The following OSBPL10 variants were observed in gnomAD, a reference collection of about 807,000 sequenced individuals.
OSBPL10 encodes oxysterol binding protein like 10.
Under a neutral mutation model 81.7 loss-of-function variants are expected in OSBPL10, and 49 were observed. The ratio of observed to expected loss-of-function variants is 0.60; its 90% CI spans 0.48 to 0.76. OSBPL10 has a LOEUF of 0.76. Among genes scored for constraint, OSBPL10 ranks in the 30% least tolerant of loss-of-function variants. OSBPL10 has a pLI of 0.00. For missense variants in OSBPL10, 923 were observed against 987.8 expected (o/e 0.93, Z 0.88); for synonymous variants, 419 against 383.6 (o/e 1.09, Z -1.08).
rs374480267 is a variant in OSBPL10, at chr3:31,683,618, A to G, written c.1726+16T>C. On this transcript the variant is annotated intron_variant, in intron 8 of 11. Transcript: ENST00000396556. ...CACTGTGTAAGAGCCAAACTCCAACATACGACATGGCTTACCTTCCCCTAT... is the reference window on the plus strand; with the variant it reads ...CACTGTGTAAGAGCCAAACTCCAACGTACGACATGGCTTACCTTCCCCTAT... 3.1e-6 allele frequency: 5 copies of G among 1,600,582 alleles called. No homozygotes were observed. The African/African-American group carries it at 5.4e-5, about 17-fold the overall frequency.
chr3:31,864,939 T>C (rs371640490), intron 3 of OSBPL10, among the ~76,000 whole-genome samples: 27 of 151,674 alleles, frequency 1.8e-4, no homozygotes, highest in African/African-American at 6.3e-4. Flanking sequence ...CAGAGAACAT[T>C]AGCTCCTGCC....
chr3:31,869,976 C>T (rs561470460), intron 3 of OSBPL10, among the ~76,000 whole-genome samples: 4 of 152,354 alleles, frequency 2.6e-5, no homozygotes, highest in East Asian at 1.9e-4. Flanking sequence ...TCAGAGCCCT[C>T]GCCTGCTCTC....
chr3:31,752,259 C>T (rs1170279170), intron 4 of OSBPL10, among the ~76,000 whole-genome samples: 1 of 152,144 alleles, frequency 6.6e-6, no homozygotes, highest in Non-Finnish European at 1.5e-5. Context: ...CAAATACTTC[C>T]TCCAAGGCAC....
chr3:31,935,860 T>C (rs986580591), intron 1 of OSBPL10, among the ~76,000 whole-genome samples: 3 of 152,122 alleles, frequency 2.0e-5, no homozygotes, highest in Admixed American at 6.6e-5. Flanking sequence ...GGAAAGGAAA[T>C]AGGTTGCGTT....
chr3:31,815,148 C>G (rs1299936565), intron 4 of OSBPL10, among the ~76,000 whole-genome samples: 1 of 21,868 alleles, frequency 4.6e-5, no homozygotes, highest in Non-Finnish European at 1.3e-4. Flanking sequence ...AGAGAGATGC[C>G]CTGCCAGCCC....
intron 1 of OSBPL10, among the ~76,000 whole-genome samples, chr3:31,955,513 A>T (rs1170922782): frequency 6.6e-6 from 1 of 152,224 alleles, no homozygotes; most frequent in African/African-American, 2.4e-5. Context: ...CCTATCATGC[A>T]GTAGGAAGCC....
chr3:31,926,626 A>T (rs1455314659), intron 1 of OSBPL10, among the ~76,000 whole-genome samples: 1 of 152,128 alleles, frequency 6.6e-6, no homozygotes, highest in Admixed American at 6.5e-5. Context: ...AACATAAGAC[A>T]AGTAAAAATG....
At chr3:32,009,643 C>A (rs1699233747) in intron 2 of OSBPL10, among the ~76,000 whole-genome samples, 1 of 152,222 alleles carries the variant, frequency 6.6e-6, no homozygotes, top group Non-Finnish European at 1.5e-5. Context: ...GAATTAGCAG[C>A]AGCACTGCAG....
intron 1 of OSBPL10, among the ~76,000 whole-genome samples, chr3:31,952,442 G>A (rs556142289): frequency 1.4e-4 from 21 of 152,262 alleles, no homozygotes; most frequent in African/African-American, 4.1e-4. Flanking sequence ...GTCACGCTCC[G>A]TGAGAGCACT....
intron 8 of OSBPL10, among the ~76,000 whole-genome samples, chr3:31,673,666 T>G (rs1191207942): frequency 6.6e-6 from 1 of 152,182 alleles, no homozygotes; most frequent in Non-Finnish European, 1.5e-5. Flanking sequence ...GTGGTTCAAC[T>G]TACAATGTTT....
At chr3:31,997,523 A>T (rs1463575499) in intron 2 of OSBPL10, among the ~76,000 whole-genome samples, 1 of 151,964 alleles carries the variant, frequency 6.6e-6, no homozygotes, top group Non-Finnish European at 1.5e-5. Context: ...TCAGCCTCCC[A>T]AAATGCTGGG....
At chr3:31,678,293 G>C (rs191751475) in intron 8 of OSBPL10, among the ~76,000 whole-genome samples, 14 of 152,264 alleles carry the variant, frequency 9.2e-5, no homozygotes, top group Admixed American at 5.9e-4. Context: ...GAAGGACAAG[G>C]GTGCAGGGAA....
chr3:31,797,151 C>T (rs979853685), intron 4 of OSBPL10, among the ~76,000 whole-genome samples: 15 of 151,848 alleles, frequency 9.9e-5, no homozygotes, highest in East Asian at 5.8e-4. Context: ...TGCGCCACGA[C>T]GCCCAGCTAA....
At chr3:32,026,609 G>A (rs578187494) in intron 2 of OSBPL10, among the ~76,000 whole-genome samples, 7 of 152,286 alleles carry the variant, frequency 4.6e-5, no homozygotes, top group South Asian at 2.1e-4. Flanking sequence ...AGCAATGGCC[G>A]GGAGAGAAAG....
chr3:32,008,614 G>A (rs1251541518), intron 2 of OSBPL10, among the ~76,000 whole-genome samples: 2 of 151,702 alleles, frequency 1.3e-5, no homozygotes, highest in African/African-American at 2.4e-5. Context: ...GCAGAGAGTG[G>A]TGTCGCATGC....
intron 7 of OSBPL10, among the ~76,000 whole-genome samples, chr3:31,689,014 G>A (rs147675631): frequency 3.9e-5 from 6 of 152,214 alleles, no homozygotes; most frequent in African/African-American, 1.4e-4. Context: ...TAGTCTGAAG[G>A]CATCTTCCTC....
chr3:32,040,759 C>T (rs545514883), intron 2 of OSBPL10, among the ~76,000 whole-genome samples: 2 of 152,236 alleles, frequency 1.3e-5, no homozygotes, highest in South Asian at 4.2e-4. Flanking sequence ...ATTGCTTGAG[C>T]CCAGGAGTTC....
intron 1 of OSBPL10, among the ~76,000 whole-genome samples, chr3:31,942,326 C>T (rs1161960079): frequency 6.6e-6 from 1 of 151,400 alleles, no homozygotes; most frequent in African/African-American, 2.4e-5. Flanking sequence ...CCAAGGCGGG[C>T]GGATCAGGAG....
intron 1 of OSBPL10, among the ~76,000 whole-genome samples, chr3:32,047,101 C>G (rs1484676671): frequency 6.6e-6 from 1 of 152,044 alleles, no homozygotes; most frequent in East Asian, 1.9e-4. Context: ...TCTCTGCCTC[C>G]CAGATAGCTG....
Sources: gnomAD v4.1 joint callset for allele counts (sites outside exome capture counted in the v4.1 genomes callset) on GRCh38, gnomAD v4.1.1 for gene constraint, MANE v1.5 for transcripts, NCBI Gene and HGNC (gene_info 2026-07-23, HGNC 2026-07-21) for gene names.